Variants in PCDH19 observed in about 807,000 individuals in gnomAD.
PCDH19 encodes protocadherin-19.
Under a neutral mutation model 46.2 loss-of-function variants are expected in PCDH19, and 6 were observed. That is an observed-to-expected ratio of 0.13 (90% CI 0.07 to 0.26). PCDH19 has a LOEUF of 0.26. Ranked by LOEUF, PCDH19 falls within the 10% of genes least tolerant of loss-of-function variation. PCDH19 has a pLI of 1.00. For synonymous variants in PCDH19, 481 were observed against 415.7 expected, an observed-to-expected ratio of 1.16 and a Z score of -1.91; for missense variants, 740 against 972.3, an observed-to-expected ratio of 0.76 and a Z score of 3.18.
intron 5 of PCDH19, among the ~76,000 whole-genome samples, chrX:100,313,901 A>ACACTCT (rs1555974555): frequency 0.15 from 14,897 of 101,974 alleles, 966 homozygotes; most frequent in Middle Eastern, 0.23. Context: ...ACACACACAC[A>ACACTCT]CACACAAAGT....
At chrX:100,326,667 T>C (rs1388344258) in intron 5 of PCDH19, among the ~76,000 whole-genome samples, 2 of 111,706 alleles carry the variant, frequency 1.8e-5, no homozygotes, top group Non-Finnish European at 3.8e-5. Flanking sequence ...CTCAAGAATA[T>C]GTATATTTTG....
At chrX:100,388,536 T>A (rs1018066332) in intron 3 of PCDH19, among the ~76,000 whole-genome samples, 3 of 111,122 alleles carry the variant, frequency 2.7e-5, no homozygotes, top group Non-Finnish European at 3.8e-5. Flanking sequence ...TAAATTATAC[T>A]GAGATTAACA....
At position 100,403,549 on chromosome X, in the gene PCDH19, C is replaced by T; in HGVS notation, c.2263G>A (p.Glu755Lys). The change falls in exon 2 of 6, where the codon GAG (glutamate) becomes AAG (lysine). Residue 755 changes from glutamate (E) to lysine (K), a missense_variant. This residue lies in a region of PCDH19 where 416 missense variants were observed against 476.8 expected (regional missense o/e 0.87). Transcript: ENST00000373034. ...ISEEQDKKTE[E>K]KVSLRGKRIA... ...CTCTTTCCCCTTAGGCTCACTTTCT[C>T]CTCTGTCTTTTTGTCTTGCTCCTCG... is the stretch of plus-strand genomic sequence containing the variant. The T allele has an allele frequency of 8.3e-7, 1 of 1,209,936 alleles. No homozygotes were observed. The highest frequency in any genetic ancestry group is 1.1e-6 in the Non-Finnish European group (1 of 895,009).
Position 100,407,331 on chromosome X carries a change from T to C in PCDH19, c.1267A>G (p.Ile423Val), listed in dbSNP as rs1928400057. Reference sequence around the variant, plus strand: ...GGCACGCCGCCGTCGCGTGCCTGAATTGTGAGGTTGTATTGGTCGTGCTGC... The same window carrying C: ...GGCACGCCGCCGTCGCGTGCCTGAACTGTGAGGTTGTATTGGTCGTGCTGC... Reference protein sequence around the residue: ...REQHDQYNLTIQARDGGVPML... With the variant: ...REQHDQYNLTVQARDGGVPML... The change falls in exon 1 of 6, where the codon ATT becomes GTT. Residue 423 changes from isoleucine to valine, a missense_variant. Physicochemically the swap from Ile to Val is conservative, Grantham distance 29. Transcript: ENST00000373034. 2 of 1,211,044 alleles carry C rather than the reference T, an allele frequency of 1.7e-6. No individual in the cohort carries two copies. The highest frequency in any genetic ancestry group is 1.1e-6 in the Non-Finnish European group (1 of 895,425).
chrX:100,329,926 A>G (rs1416495518), intron 5 of PCDH19, among the ~76,000 whole-genome samples: 1 of 111,585 alleles, frequency 9.0e-6, no homozygotes, highest in Non-Finnish European at 1.9e-5. Context: ...AAACAAACAA[A>G]AAAAGAACTA....
At position 100,293,171 on chromosome X, in the gene PCDH19, A is replaced by G. The variant is rs1414031446; in HGVS notation, c.*3106T>C. The G allele has an allele frequency of 8.9e-6, 1 of 112,307 alleles. No homozygotes were observed. Among genetic ancestry groups the G allele is most frequent in the Non-Finnish European group, 1.9e-5 (1 of 53,315 alleles). 9.3% of individuals were successfully genotyped at this position (112,307 alleles called of 1,213,427 possible). ...GAGTGGTTCCAATTTTCAGAGATCT[A>G]AATTGTATTTTTTAAAAATATTTCT... On this transcript the variant is annotated 3_prime_UTR_variant, in exon 6 of 6. Transcript: ENST00000373034.
intron 3 of PCDH19, among the ~76,000 whole-genome samples, chrX:100,370,012 T>G (rs1011322308): frequency 5.4e-5 from 6 of 111,670 alleles, no homozygotes; most frequent in Admixed American, 1.9e-4. Flanking sequence ...AGCTCCACTC[T>G]GGATTGGTGC....
intron 3 of PCDH19, among the ~76,000 whole-genome samples, chrX:100,378,608 G>C (rs1022474360): frequency 2.7e-5 from 3 of 112,193 alleles, no homozygotes; most frequent in Non-Finnish European, 3.8e-5. Flanking sequence ...CCCTGCACTT[G>C]TATTAACGTG....
intron 5 of PCDH19, among the ~76,000 whole-genome samples, chrX:100,304,588 G>GA (rs994406488): frequency 6.3e-5 from 7 of 111,029 alleles, no homozygotes; most frequent in African/African-American, 1.3e-4. Context: ...TGAATTGCCA[G>GA]AAAAAAAATT....
At chrX:100,322,865 A>ATATATATATATATATATATTTTTTT in intron 5 of PCDH19, among the ~76,000 whole-genome samples, 14 of 54,402 alleles carry the variant, frequency 2.6e-4, no homozygotes, top group Non-Finnish European at 3.6e-4. Context: ...ATATATATAT[A>ATATATATATATATATATATTTTTTT]TTTTTGCAGC....
rs1355245225 is a variant in PCDH19 at position 100,296,691 on chromosome X, G to C, written c.3033C>G (p.Thr1011=). 3 of 1,209,405 alleles carry C rather than the reference G, an allele frequency of 2.5e-6. No homozygotes were observed. In the Admixed American group the frequency reaches 6.6e-5, roughly 26 times the overall value. Residue 1011 remains threonine (T), a synonymous_variant, in exon 6 of 6, where the codon ACC becomes ACG. Transcript: ENST00000373034. ...TCCCAAAGGTTGCGAAAGTCCGTTTGGTGGGGCCGCAGTCGTCATAAGCCT... is the reference window on the plus strand; with the variant it reads ...TCCCAAAGGTTGCGAAAGTCCGTTTCGTGGGGCCGCAGTCGTCATAAGCCT... ...DVEAYDDCGP[T]KRTFATFGKD...
At chrX:100,359,437 C>G (rs1926812901) in intron 3 of PCDH19, among the ~76,000 whole-genome samples, 1 of 112,194 alleles carries the variant, frequency 8.9e-6, no homozygotes, top group South Asian at 3.7e-4. Flanking sequence ...TTCCCTGAAA[C>G]CTTGGTGACC....
chrX:100,371,160 C>CAAAT (rs1927214450), intron 3 of PCDH19, among the ~76,000 whole-genome samples: 1 of 111,252 alleles, frequency 9.0e-6, no homozygotes, highest in Non-Finnish European at 1.9e-5. Flanking sequence ...CAGGTTAAAC[C>CAAAT]AAATGAGACT....
At position 100,408,392 on chromosome X, in the gene PCDH19, G is replaced by T; in HGVS notation, c.206C>A (p.Pro69Gln). ...GCTGGGATTGATGTCCACTAGGTGT[G>T]GAGCCGAGTTGGACACCACGCGAAA... ...SAFRVVSNSA[P>Q]HLVDINPSSG... The change falls in exon 1 of 6, where the codon CCA becomes CAA. Residue 69 changes from proline (P) to glutamine (Q), a missense_variant. Pro to Gln is a moderately conservative substitution (Grantham distance 76). Coordinates refer to ENST00000373034, the MANE Select transcript of PCDH19 (RefSeq NM_001184880.2). The T allele has an allele frequency of 1.7e-6, 2 of 1,208,946 alleles. No individual in the cohort carries two copies. The highest frequency in any genetic ancestry group is 2.2e-6 in the Non-Finnish European group (2 of 894,806).
chrX:100,394,995 C>A (rs1927984004), intron 3 of PCDH19, among the ~76,000 whole-genome samples: 1 of 106,073 alleles, frequency 9.4e-6, no homozygotes, highest in African/African-American at 3.5e-5. Context: ...TCACGCCATT[C>A]TCCTGCCTCA....
chrX:100,375,271 A>G (rs775027746), intron 3 of PCDH19, among the ~76,000 whole-genome samples: 17 of 111,579 alleles, frequency 1.5e-4, no homozygotes, highest in African/African-American at 3.6e-4. Context: ...AGACAGGCCC[A>G]GGTGTGTGAT....
At chrX:100,332,276 C>A in intron 5 of PCDH19, among the ~76,000 whole-genome samples, 1 of 112,117 alleles carries the variant, frequency 8.9e-6, no homozygotes, top group Non-Finnish European at 1.9e-5. Context: ...AATCCCAGAA[C>A]TTTGGGAGGC....
At chrX:100,397,177 A>T (rs1348981876) in intron 3 of PCDH19, among the ~76,000 whole-genome samples, 1 of 111,835 alleles carries the variant, frequency 8.9e-6, no homozygotes, top group Non-Finnish European at 1.9e-5. Context: ...CAAATCTCTA[A>T]CTTTAAAACT....
chrX:100,403,401 CG>C (rs1317225800), intron 2 of PCDH19, 122 bp downstream of exon 2: 11 of 651,786 alleles, frequency 1.7e-5, no homozygotes, highest in Non-Finnish European at 2.4e-5. Flanking sequence ...CATTCTTTCG[CG>C]TCTCCTCCAC....
Sources: allele counts gnomAD v4.1 joint callset (sites outside exome capture counted in the v4.1 genomes callset), GRCh38; gene constraint gnomAD v4.1.1; regional missense constraint gnomAD v4.1.1; transcripts MANE v1.5; gene names NCBI Gene and HGNC (gene_info 2026-07-23, HGNC 2026-07-21).